The following DCLK1 variants were observed in gnomAD, a reference collection of about 807,000 sequenced individuals.
The protein encoded by DCLK1 is doublecortin like kinase 1, also known as serine/threonine-protein kinase DCLK1.
DCLK1 carries 16 observed loss-of-function variants against 86.2 expected under a neutral mutation model. The ratio of observed to expected loss-of-function variants is 0.19; its 90% CI spans 0.13 to 0.28. The LOEUF (loss-of-function observed/expected upper bound fraction) is 0.28, where lower values mean the gene tolerates loss of function less well. Ranked by LOEUF, DCLK1 falls within the 10% of genes least tolerant of loss-of-function variation. The pLI, the probability that DCLK1 is intolerant of heterozygous loss-of-function variation, is 1.00. For synonymous variants in DCLK1, 369 were observed against 370.5 expected, an observed-to-expected ratio of 1.00 and a Z score of 0.05; for missense variants, 590 against 940.2, an observed-to-expected ratio of 0.63 and a Z score of 4.87.
At chr13:35,824,408 G>A (rs948135063) in intron 10 of DCLK1, among the ~76,000 whole-genome samples, 1 of 152,084 alleles carries the variant, frequency 6.6e-6, no homozygotes, top group Non-Finnish European at 1.5e-5. Context: ...TCCAACTCCT[G>A]GCCTCAAGTG....
At chr13:35,824,428 C>A (rs1460446376) in intron 10 of DCLK1, among the ~76,000 whole-genome samples, 1 of 152,178 alleles carries the variant, frequency 6.6e-6, no homozygotes, top group Non-Finnish European at 1.5e-5. Flanking sequence ...GATCTTCCTG[C>A]CTTGGCCTCC....
intron 3 of DCLK1, among the ~76,000 whole-genome samples, chr13:36,031,853 T>C (rs183296844): frequency 6.6e-6 from 1 of 152,330 alleles, no homozygotes; most frequent in Non-Finnish European, 1.5e-5. Flanking sequence ...TGTTTGCATC[T>C]GACTGAACCT....
In DCLK1 at chr13:35,771,531, AAATG is replaced by A. The variant is rs1377862679; in HGVS notation, c.*3000_*3003del. ...TGATTTCTGCTACAATGTTGAGAAAAAATGTGTTCATTAATATGAACACATGTCT... is the reference window on the plus strand; with the variant it reads ...TGATTTCTGCTACAATGTTGAGAAAATGTTCATTAATATGAACACATGTCT... On this transcript the variant is annotated 3_prime_UTR_variant, in exon 17 of 17. Coordinates refer to ENST00000360631, the MANE Select transcript of DCLK1 (RefSeq NM_001330071.2). 3 of 152,310 alleles carry A rather than the reference AAATG, an allele frequency of 2.0e-5. No homozygotes were observed. The highest frequency in any genetic ancestry group is 6.5e-5 in the Admixed American group (1 of 15,300). 9.4% of individuals were successfully genotyped at this position (152,310 alleles called of 1,614,324 possible).
chr13:35,870,644 T>C (rs554821571), intron 5 of DCLK1, among the ~76,000 whole-genome samples: 1 of 152,262 alleles, frequency 6.6e-6, no homozygotes, highest in South Asian at 2.1e-4. Context: ...TTCATGTCAG[T>C]TTTAAGACCA....
At chr13:36,085,280 T>C (rs1287461978) in intron 3 of DCLK1, among the ~76,000 whole-genome samples, 3 of 152,176 alleles carry the variant, frequency 2.0e-5, no homozygotes, top group Non-Finnish European at 4.4e-5. Flanking sequence ...ATAAAGCAAA[T>C]GGACCCTTTG....
chr13:35,900,055 G>A (rs1350059298), intron 4 of DCLK1, among the ~76,000 whole-genome samples: 3 of 152,028 alleles, frequency 2.0e-5, no homozygotes, highest in Non-Finnish European at 4.4e-5. Context: ...AGAAACTGTA[G>A]AAGAATATGT....
intron 5 of DCLK1, among the ~76,000 whole-genome samples, chr13:35,867,949 GAAAGAAAGAA>G (rs1555345744): frequency 7.1e-6 from 1 of 140,652 alleles, no homozygotes; most frequent in Non-Finnish European, 1.5e-5. Context: ...AAGAAAGAAA[GAAAGAAAGAA>G]AGAAAGAGAA....
In DCLK1 at chr13:36,111,804, C is replaced by T. The variant is rs1885627942; in HGVS notation, c.723+65G>A. The T allele has an allele frequency of 3.4e-6, 5 of 1,463,426 alleles. No homozygotes were observed. In the South Asian group the frequency reaches 3.8e-5, roughly 11 times the overall value. The allele number at this position is 1,463,426 out of a possible 1,614,324, so 90.7% of individuals were successfully genotyped here. A position where few individuals can be genotyped will look rare whatever the true frequency, so the allele number is the denominator to read the frequency against. On this transcript the variant is annotated intron_variant, in intron 3 of 16. Transcript: ENST00000360631. ...TTGAGCAAAATGTATGCTTTAGCCA[C>T]GTACACCCTCCGACTCCCTGGTTCT...
intron 3 of DCLK1, 75 bp from the exon 4 acceptor site, chr13:35,947,532 A>T (rs1877453197): frequency 4.1e-6 from 5 of 1,222,766 alleles, no homozygotes; most frequent in Non-Finnish European, 5.9e-6. Context: ...ACGAGCAGAC[A>T]TCTGCATAAA....
intron 3 of DCLK1, among the ~76,000 whole-genome samples, chr13:35,958,241 C>CT (rs1566620935): frequency 9.6e-4 from 128 of 134,028 alleles, no homozygotes; most frequent in African/African-American, 4.3e-3. Flanking sequence ...CCACCATCAT[C>CT]ACCACCACCA....
At chr13:35,871,175 C>T (rs763790220) in intron 5 of DCLK1, 49 bp downstream of exon 5, 1 of 1,476,212 alleles carries the variant, frequency 6.8e-7, no homozygotes, top group African/African-American at 1.4e-5. Flanking sequence ...TCTGCTCATC[C>T]TGTGTCAGGA....
At chr13:35,919,410 G>A (rs1875649423) in intron 4 of DCLK1, among the ~76,000 whole-genome samples, 2 of 152,024 alleles carry the variant, frequency 1.3e-5, no homozygotes, top group Admixed American at 1.3e-4. Flanking sequence ...TGCATCCAGT[G>A]GTTTCAAACA....
chr13:35,887,204 T>C (rs1488144758), intron 4 of DCLK1, among the ~76,000 whole-genome samples: 1 of 152,198 alleles, frequency 6.6e-6, no homozygotes, highest in African/African-American at 2.4e-5. Flanking sequence ...AAATTACAGG[T>C]GATCTAAGTG....
chr13:35,878,455 C>T lies in DCLK1; in HGVS notation c.824-7115G>A, dbSNP rs1025043199. ...GCTTCCCCAAGCTCCACACGCAGCA[C>T]GTCTGGAATAAAAGCAATCAAGATC... On this transcript the variant is annotated intron_variant, in intron 4 of 16. Coordinates refer to ENST00000360631, the MANE Select transcript of DCLK1 (RefSeq NM_001330071.2). Among the ~76,000 whole-genome samples, 10 of 151,902 alleles carry T rather than the reference C, an allele frequency of 6.6e-5. No individual in the cohort carries two copies. The East Asian group carries it at 7.8e-4, about 12-fold the overall frequency.
chr13:35,788,169 G>A (rs2153098783), intron 16 of DCLK1: 1 of 1,588,880 alleles, frequency 6.3e-7, no homozygotes, highest in Non-Finnish European at 8.6e-7. Flanking sequence ...CTGCCAGCAC[G>A]TTGCCATGGA....
At chr13:35,795,502 G>C (rs1218246014) in intron 15 of DCLK1, among the ~76,000 whole-genome samples, 3 of 152,184 alleles carry the variant, frequency 2.0e-5, no homozygotes, top group African/African-American at 7.2e-5. Context: ...ACATTATCCA[G>C]CTCTTGGTTC....
intron 16 of DCLK1, among the ~76,000 whole-genome samples, chr13:35,777,796 GTGTCTCTGACTA>G (rs1434245285): frequency 1.3e-5 from 2 of 152,144 alleles, no homozygotes; most frequent in Admixed American, 6.5e-5. Context: ...GTTCCAGAGG[GTGTCTCTGACTA>G]CAGGTCTCTC....
At chr13:35,920,483 T>A (rs1356223959) in intron 4 of DCLK1, among the ~76,000 whole-genome samples, 1 of 152,156 alleles carries the variant, frequency 6.6e-6, no homozygotes, top group Non-Finnish European at 1.5e-5. Context: ...GGGCAGTTGG[T>A]AAGTGTATTC....
At chr13:35,986,300 CAAAAAAAAAAAAAA>C (rs60156251) in intron 3 of DCLK1, among the ~76,000 whole-genome samples, 1 of 44,400 alleles carries the variant, frequency 2.3e-5, no homozygotes, top group Non-Finnish European at 3.6e-5. Context: ...GACTCCGTCT[CAAAAAAAAAAAAAA>C]AAAAAAAAAA....
Sources: gnomAD v4.1 joint callset for allele counts (sites outside exome capture counted in the v4.1 genomes callset) on GRCh38, gnomAD v4.1.1 for gene constraint, MANE v1.5 for transcripts, NCBI Gene and HGNC (gene_info 2026-07-23, HGNC 2026-07-21) for gene names.